The following NARF variants were observed in gnomAD, a reference collection of about 807,000 sequenced individuals.
NARF encodes nuclear prelamin A recognition factor.
In NARF, 41 loss-of-function variants were observed where a neutral mutation model predicts 48.0. The ratio of observed to expected loss-of-function variants is 0.85; its 90% CI spans 0.66 to 1.11. NARF has a LOEUF of 1.11. Among genes scored for constraint, NARF ranks in the 50% least tolerant of loss-of-function variants. NARF has a pLI of 0.00. For synonymous variants in NARF, 215 were observed against 225.5 expected, an observed-to-expected ratio of 0.95 and a Z score of 0.42; for missense variants, 613 against 590.2, an observed-to-expected ratio of 1.04 and a Z score of -0.40.
chr17:82,478,667 G>A, intron 5 of NARF, 133 bp from the exon 6 acceptor site: 1 of 938,352 alleles, frequency 1.1e-6, no homozygotes, highest in Non-Finnish European at 1.7e-6. Flanking sequence ...ACGAGCTCCT[G>A]GTAAGGCCTG....
rs200055812 is a variant in NARF, at chr17:82,479,483, C to T, written c.639+565C>T. Among the ~76,000 whole-genome samples, 6 of 152,322 alleles carry T rather than the reference C, an allele frequency of 3.9e-5. No individual in the cohort carries two copies. In the East Asian group the frequency reaches 9.7e-4, roughly 25 times the overall value. ...CTGCGTGCCCCCTGCCTCGGCCCGT[C>T]GTGTTCTCCCTTCCCACAACCCTCT... On this transcript the variant is annotated intron_variant, in intron 6 of 10. Coordinates refer to ENST00000309794, the MANE Select transcript of NARF (RefSeq NM_012336.4).
chr17:82,488,331 T>C lies in NARF; in HGVS notation c.*174T>C. Reference sequence around the variant, plus strand: ...TTTATTGGAGGCCCCTCAGGCAGTTTCATGTGGTGCTATCTTCATAATAGG... The same window carrying C: ...TTTATTGGAGGCCCCTCAGGCAGTTCCATGTGGTGCTATCTTCATAATAGG... On this transcript the variant is annotated 3_prime_UTR_variant, in exon 11 of 11. Transcript: ENST00000309794. 9.9e-7 allele frequency: 1 copy of C among 1,007,484 alleles called. No homozygotes were observed. Among genetic ancestry groups the C allele is most frequent in the Non-Finnish European group, 1.4e-6 (1 of 711,740 alleles). 62.4% of individuals were successfully genotyped at this position (1,007,484 alleles called of 1,614,324 possible).
At chr17:82,466,421 T>A (rs1231727830) in intron 3 of NARF, among the ~76,000 whole-genome samples, 2 of 152,214 alleles carry the variant, frequency 1.3e-5, no homozygotes, top group African/African-American at 4.8e-5. Context: ...ACTTATATTT[T>A]AGTACGGTGT....
At chr17:82,483,859 C>A (rs2044031805) in intron 8 of NARF, 80 bp downstream of exon 8, 1 of 1,377,456 alleles carries the variant, frequency 7.3e-7, no homozygotes, top group Non-Finnish European at 1.0e-6. Context: ...AGGCCCAGGG[C>A]TGCCCTGCTT....
rs2044138632 is a variant in NARF at position 82,488,100 on chromosome 17, G to A, written c.1314G>A (p.Leu438=). The A allele has an allele frequency of 6.2e-7, 1 of 1,614,072 alleles. No individual in the cohort carries two copies. The highest frequency in any genetic ancestry group is 8.5e-7 in the Non-Finnish European group (1 of 1,180,042). Reference sequence around the variant, plus strand: ...ACTCCCCCAAGGCCCGAGAGGTGCTGCATACCACGTACCAGAGCCAGGAGC... The same window carrying A: ...ACTCCCCCAAGGCCCGAGAGGTGCTACATACCACGTACCAGAGCCAGGAGC... The part of the protein sequence containing the change: ...GINSPKAREV[L]HTTYQSQERG... Residue 438 remains leucine (L), a synonymous_variant, in exon 11 of 11, where the codon CTG becomes CTA. Transcript: ENST00000309794.
intron 9 of NARF, among the ~76,000 whole-genome samples, chr17:82,485,153 G>GGC (rs2044067936): frequency 6.6e-6 from 1 of 152,180 alleles, no homozygotes; most frequent in African/African-American, 2.4e-5. Flanking sequence ...CGGGTGCGGT[G>GGC]GCTCGTGCCT....
chr17:82,487,904 T>C lies in NARF; in HGVS notation c.1130-12T>C. 1 of 1,613,938 alleles carries C rather than the reference T, an allele frequency of 6.2e-7. No individual in the cohort carries two copies. Among genetic ancestry groups the C allele is most frequent in the Non-Finnish European group, 8.5e-7 (1 of 1,179,862 alleles). On this transcript the variant is annotated splice_polypyrimidine_tract_variant and intron_variant, in intron 10 of 10. Coordinates refer to ENST00000309794, the MANE Select transcript of NARF (RefSeq NM_012336.4). Reference sequence around the variant, plus strand: ...TGAGCCCAGGATAAACTTACCTGTGTTTATCTTTCAGGATGCTTAAATGGC... The same window carrying C: ...TGAGCCCAGGATAAACTTACCTGTGCTTATCTTTCAGGATGCTTAAATGGC...
rs1053401115 is a variant in NARF at position 82,489,731 on chromosome 17, C to A, written c.*1574C>A. On this transcript the variant is annotated 3_prime_UTR_variant, in exon 11 of 11. Transcript: ENST00000309794. The stretch of plus-strand genomic sequence containing the variant: ...TTAAAAAGAAAGGAGAGGCCAGGCA[C>A]GGTGGCTCGTGCCCTATAATCCCAG... 1 of 152,260 alleles carries A rather than the reference C, an allele frequency of 6.6e-6. No individual in the cohort carries two copies. The highest frequency in any genetic ancestry group is 6.5e-5 in the Admixed American group (1 of 15,284). The allele number at this position is 152,260 out of a possible 1,614,324, so 9.4% of individuals were successfully genotyped here.
chr17:82,466,229 G>A (rs906334476), intron 3 of NARF, among the ~76,000 whole-genome samples: 4 of 152,148 alleles, frequency 2.6e-5, no homozygotes, highest in African/African-American at 4.8e-5. Flanking sequence ...CTAAGTGATA[G>A]GGGCAAACAG....
intron 10 of NARF, among the ~76,000 whole-genome samples, chr17:82,486,110 G>A (rs185258519): frequency 8.7e-4 from 133 of 152,280 alleles, no homozygotes; most frequent in African/African-American, 3.1e-3. Context: ...CCCTTGTTGC[G>A]TGGAGGGAGG....
chr17:82,460,339 C>T (rs1007066854), intron 2 of NARF: 8 of 247,224 alleles, frequency 3.2e-5, no homozygotes, highest in Non-Finnish European at 4.8e-5. Flanking sequence ...GTGGTGTACG[C>T]CTGTAATCCC....
Position 82,489,467 on chromosome 17 carries a change from G to T in NARF, c.*1310G>T, listed in dbSNP as rs1021630845. The T allele has an allele frequency of 6.6e-6, 1 of 152,458 alleles. No homozygotes were observed. Among genetic ancestry groups the T allele is most frequent in the Admixed American group, 6.5e-5 (1 of 15,276 alleles). The allele number at this position is 152,458 out of a possible 1,614,324, so 9.4% of individuals were successfully genotyped here. On this transcript the variant is annotated 3_prime_UTR_variant, in exon 11 of 11. Transcript: ENST00000309794. ...CGCACCAGCTGGGTGGGTGCAGGGGGCCCCAGCTCATCATCAGCACTGTCG... is the reference window on the plus strand; with the variant it reads ...CGCACCAGCTGGGTGGGTGCAGGGGTCCCCAGCTCATCATCAGCACTGTCG...
chr17:82,466,797 C>T (rs922541499), intron 3 of NARF, among the ~76,000 whole-genome samples: 3 of 152,104 alleles, frequency 2.0e-5, no homozygotes, highest in Non-Finnish European at 2.9e-5. Context: ...GTTCCAGCAT[C>T]TTCTGTTCTT....
At chr17:82,483,834 T>G (rs1288500394) in intron 8 of NARF, 55 bp downstream of exon 8, 2 of 1,552,532 alleles carry the variant, frequency 1.3e-6, no homozygotes, top group Non-Finnish European at 1.8e-6. Context: ...TCGTCAGCCC[T>G]GCCAGCCACC....
chr17:82,483,169 A>G, intron 7 of NARF: 1 of 230,800 alleles, frequency 4.3e-6, no homozygotes, highest in South Asian at 4.0e-5. Flanking sequence ...AAATACAAAA[A>G]TTAGCCAGGC....
rs2044083727 is a variant in NARF at position 82,485,800 on chromosome 17, G to A, written c.1129+146G>A. ...TTTGTAGGGTATGGATGCTCCCGTG[G>A]GGCTTGTGCTGGGACATTCTAGGCT... On this transcript the variant is annotated intron_variant, in intron 10 of 10. Coordinates refer to ENST00000309794, the MANE Select transcript of NARF (RefSeq NM_012336.4). 6 of 897,400 alleles carry A rather than the reference G, an allele frequency of 6.7e-6. No individual in the cohort carries two copies. The East Asian group carries it at 1.3e-4, about 20-fold the overall frequency. 55.6% of individuals were successfully genotyped at this position (897,400 alleles called of 1,614,324 possible). A position where few individuals can be genotyped will look rare whatever the true frequency, so the allele number is the denominator to read the frequency against.
chr17:82,481,134 A>G lies in NARF; in HGVS notation c.692A>G (p.Lys231Arg), dbSNP rs775003317. 1 of 1,614,102 alleles carries G rather than the reference A, an allele frequency of 6.2e-7. No homozygotes were observed. Among genetic ancestry groups the G allele is most frequent in the Non-Finnish European group, 8.5e-7 (1 of 1,180,012 alleles). ...GTCATTGTGGCCCCTTGTTATGACA[A>G]GAAGCTGGAGGCTCTTCAGGAAAGC... ...FHVIVAPCYD[K>R]KLEALQESLP... The change falls in exon 7 of 11, where the codon AAG becomes AGG. Residue 231 changes from lysine to arginine, a missense_variant. By Grantham distance (26) the Lys-to-Arg change is conservative (BLOSUM62 2). Transcript: ENST00000309794.
Position 82,488,380 on chromosome 17 carries a change from C to CT in NARF, c.*236dup, listed in dbSNP as rs11400755. On this transcript the variant is annotated 3_prime_UTR_variant, in exon 11 of 11. Coordinates refer to ENST00000309794, the MANE Select transcript of NARF (RefSeq NM_012336.4). ...GGTGTGGGATTGGAACTTTTTTTTT[C>CT]TTTTTTTTTTTTTGAGACGGAGTCT... 45,693 of 440,090 alleles carry CT rather than the reference C, an allele frequency of 0.1. 166 individuals carry two copies. Among genetic ancestry groups the CT allele is most frequent in the Non-Finnish European group, 0.12 (31,873 of 266,762 alleles). 27.3% of individuals were successfully genotyped at this position (440,090 alleles called of 1,614,324 possible). A position where few individuals can be genotyped will look rare whatever the true frequency, so the allele number is the denominator to read the frequency against.
At chr17:82,466,531 C>G (rs888395290) in intron 3 of NARF, among the ~76,000 whole-genome samples, 1 of 152,044 alleles carries the variant, frequency 6.6e-6, no homozygotes, top group Admixed American at 6.6e-5. Context: ...CAGCTTATTG[C>G]AACCTCTCCT....
Sources: allele counts gnomAD v4.1 joint callset (sites outside exome capture counted in the v4.1 genomes callset), GRCh38; gene constraint gnomAD v4.1.1; transcripts MANE v1.5; gene names NCBI Gene and HGNC (gene_info 2026-07-23, HGNC 2026-07-21).